The following PPP2R3A variants were observed in gnomAD, a reference collection of about 807,000 sequenced individuals.
The protein encoded by PPP2R3A is protein phosphatase 2 regulatory subunit B''alpha.
In PPP2R3A, 80 loss-of-function variants were observed where a neutral mutation model predicts 106.9. That is an observed-to-expected ratio of 0.75 (90% CI 0.62 to 0.90). The LOEUF is 0.90. Among genes scored for constraint, PPP2R3A ranks in the 40% least tolerant of loss-of-function variants. The pLI, the probability that PPP2R3A is intolerant of heterozygous loss-of-function variation, is 0.00. For synonymous variants in PPP2R3A, 483 were observed against 468.3 expected (o/e 1.03, Z -0.41); for missense variants, 1,386 against 1,350.4 (o/e 1.03, Z -0.41).
intron 9 of PPP2R3A, among the ~76,000 whole-genome samples, chr3:136,088,767 G>T (rs9810089): frequency 0.62 from 93,777 of 152,014 alleles, 31,477 homozygotes; most frequent in African/African-American, 0.88. Flanking sequence ...ACATTTTGAC[G>T]TTTTAGTAGT....
Position 136,070,524 on chromosome 3 carries a change from C to T in PPP2R3A, c.2516C>T (p.Pro839Leu). ...HPGLTFLKDA[P>L]EFHSRYITTV... Reference sequence around the variant, plus strand: ...GGTCTCACGTTCCTGAAAGATGCTCCAGAATTCCACTCCCGCTACATCACC... The same window carrying T: ...GGTCTCACGTTCCTGAAAGATGCTCTAGAATTCCACTCCCGCTACATCACC... The change falls in exon 6 of 14, where the codon CCA becomes CTA. Residue 839 changes from proline (P) to leucine (L), a missense_variant. Transcript: ENST00000264977. 2.5e-6 allele frequency: 4 copies of T among 1,611,348 alleles called. No individual in the cohort carries two copies. Among genetic ancestry groups the T allele is most frequent in the Non-Finnish European group, 3.4e-6 (4 of 1,179,082 alleles).
chr3:136,116,400 C>G (rs1449229450), intron 13 of PPP2R3A, among the ~76,000 whole-genome samples: 1 of 152,230 alleles, frequency 6.6e-6, no homozygotes, highest in East Asian at 1.9e-4. Context: ...CAATATTAAC[C>G]TTAAATGTAA....
Position 136,001,766 on chromosome 3 carries a change from G to A in PPP2R3A, c.268G>A (p.Ala90Thr), listed in dbSNP as rs775005105. Reference sequence around the variant, plus strand: ...GGCTGAAGGAGACTATCCCCAACAGGCCTTCACAGGCATACCCAGGGTCAA... The same window carrying A: ...GGCTGAAGGAGACTATCCCCAACAGACCTTCACAGGCATACCCAGGGTCAA... ...SSAEGDYPQQ[A>T]FTGIPRVKRG... is the part of the protein sequence containing the mutation. Residue 90 changes from alanine (A) to threonine (T), a missense_variant, in exon 2 of 14, where the codon GCC (alanine) becomes ACC (threonine). Transcript: ENST00000264977. The A allele has an allele frequency of 8.1e-6, 13 of 1,613,970 alleles. No individual in the cohort carries two copies. Among genetic ancestry groups the A allele is most frequent in the South Asian group, 4.4e-5 (4 of 91,080 alleles).
chr3:136,086,043 TCTC>T (rs1244265466), intron 8 of PPP2R3A, among the ~76,000 whole-genome samples: 4 of 151,666 alleles, frequency 2.6e-5, no homozygotes, highest in African/African-American at 9.7e-5. Context: ...GATGGGAGGA[TCTC>T]CTGAACCTGG....
intron 12 of PPP2R3A, among the ~76,000 whole-genome samples, chr3:136,104,243 C>T (rs1305936299): frequency 6.6e-6 from 1 of 152,076 alleles, no homozygotes; most frequent in Non-Finnish European, 1.5e-5. Context: ...GGCTTAAAGT[C>T]TGTTATGGTT....
intron 1 of PPP2R3A, among the ~76,000 whole-genome samples, chr3:135,986,934 C>A (rs140726486): frequency 7.3e-4 from 111 of 152,228 alleles, no homozygotes; most frequent in African/African-American, 2.6e-3. Context: ...TATTTATGTT[C>A]TGTTGCTTAT....
chr3:136,059,485 C>T (rs552657658), intron 5 of PPP2R3A, among the ~76,000 whole-genome samples: 1 of 152,068 alleles, frequency 6.6e-6, no homozygotes, highest in East Asian at 1.9e-4. Context: ...GATAAGATAC[C>T]GGCAAGGTTG....
intron 2 of PPP2R3A, among the ~76,000 whole-genome samples, chr3:136,025,794 A>T (rs1489185482): frequency 6.6e-6 from 1 of 152,132 alleles, no homozygotes; most frequent in Non-Finnish European, 1.5e-5. Flanking sequence ...CATCTTTCAT[A>T]CTTTATGTAG....
At chr3:136,105,778 A>G (rs1422737690) in intron 12 of PPP2R3A, among the ~76,000 whole-genome samples, 2 of 152,148 alleles carry the variant, frequency 1.3e-5, no homozygotes, top group Admixed American at 1.3e-4. Flanking sequence ...CCTGGCCAAC[A>G]TGGCGAAACC....
At chr3:136,016,318 G>A (rs1934266139) in intron 2 of PPP2R3A, among the ~76,000 whole-genome samples, 2 of 152,026 alleles carry the variant, frequency 1.3e-5, no homozygotes, top group South Asian at 4.1e-4. Flanking sequence ...TATTCTATAA[G>A]TATCCATTTA....
chr3:136,143,753 T>C (rs1938978132), intron 13 of PPP2R3A, among the ~76,000 whole-genome samples: 1 of 152,178 alleles, frequency 6.6e-6, no homozygotes, highest in South Asian at 2.1e-4. Flanking sequence ...ATGGCCCCAC[T>C]GTACTCCAGC....
chr3:136,073,404 A>C (rs976737239), intron 6 of PPP2R3A, among the ~76,000 whole-genome samples: 1 of 152,250 alleles, frequency 6.6e-6, no homozygotes, highest in African/African-American at 2.4e-5. Context: ...TTAATAGAGT[A>C]CAGTTAATTA....
At position 136,090,825 on chromosome 3, in the gene PPP2R3A, G is replaced by A. The variant is rs891145116; in HGVS notation, c.2927+158G>A. On this transcript the variant is annotated intron_variant, in intron 10 of 13. Coordinates refer to ENST00000264977, the MANE Select transcript of PPP2R3A (RefSeq NM_002718.5). The stretch of plus-strand genomic sequence containing the variant: ...CGTCTCGGAGCTCTCCGTCTCAGGA[G>A]ATTGGCACTGAATCCATGTTCATGG... Among the ~76,000 whole-genome samples, 13 of 152,244 alleles carry A rather than the reference G, an allele frequency of 8.5e-5. 1 individual carries two copies. Among genetic ancestry groups the A allele is most frequent in the Non-Finnish European group, 1.6e-4 (11 of 68,054 alleles).
chr3:136,110,317 A>ATT (rs1320503378), intron 13 of PPP2R3A, among the ~76,000 whole-genome samples: 1 of 152,162 alleles, frequency 6.6e-6, no homozygotes, highest in African/African-American at 2.4e-5. Context: ...AAATGAGCAT[A>ATT]TTTACTATTT....
Position 136,140,689 on chromosome 3 carries a change from AG to A in PPP2R3A, c.3330-4353del, listed in dbSNP as rs538674980. 1.0e-4 allele frequency among the ~76,000 whole-genome samples: 15 copies of A among 150,192 alleles called. No individual in the cohort carries two copies. The South Asian group carries it at 3.2e-3, about 32-fold the overall frequency. ...CTTGAACCCCGGAGGCAGAGTTTGC[AG>A]TGAGCCGAGATCGCGCCACTGCACT... On this transcript the variant is annotated intron_variant, in intron 13 of 13. Coordinates refer to ENST00000264977, the MANE Select transcript of PPP2R3A (RefSeq NM_002718.5).
rs1362583193 is a variant in PPP2R3A at position 136,102,272 on chromosome 3, T to G, written c.3103+90T>G. On this transcript the variant is annotated intron_variant, in intron 11 of 13. Coordinates refer to ENST00000264977, the MANE Select transcript of PPP2R3A (RefSeq NM_002718.5). The stretch of plus-strand genomic sequence containing the variant: ...AGATTGTCCTAAATTATTTAACATT[T>G]CAGAGTCTTGATAGAAGACTTCCTA... The G allele has an allele frequency of 1.2e-5, 17 of 1,417,806 alleles. No individual in the cohort carries two copies. The East Asian group carries it at 3.3e-4, about 28-fold the overall frequency. The allele number at this position is 1,417,806 out of a possible 1,614,324, so 87.8% of individuals were successfully genotyped here.
chr3:136,045,105 G>A (rs1187312614), intron 4 of PPP2R3A, among the ~76,000 whole-genome samples: 1 of 152,214 alleles, frequency 6.6e-6, no homozygotes, highest in Non-Finnish European at 1.5e-5. Flanking sequence ...CAGGACCAGG[G>A]CGTATCTGAT....
intron 1 of PPP2R3A, among the ~76,000 whole-genome samples, chr3:135,970,186 G>A (rs955689300): frequency 6.6e-6 from 1 of 152,190 alleles, no homozygotes; most frequent in Non-Finnish European, 1.5e-5. Flanking sequence ...CAGAGATTAA[G>A]AAAAAAGGGC....
chr3:136,078,237 G>A, intron 6 of PPP2R3A, 130 bp from the exon 7 acceptor site: 2 of 662,122 alleles, frequency 3.0e-6, no homozygotes, highest in Non-Finnish European at 5.3e-6. Flanking sequence ...ATTTTTACTA[G>A]GAATTACACT....
Sources: allele counts gnomAD v4.1 joint callset (sites outside exome capture counted in the v4.1 genomes callset), GRCh38; gene constraint gnomAD v4.1.1; transcripts MANE v1.5; gene names NCBI Gene and HGNC (gene_info 2026-07-23, HGNC 2026-07-21).